Variants in LDLRAD4 observed in about 807,000 individuals in gnomAD.
LDLRAD4 encodes the protein low-density lipoprotein receptor class A domain-containing protein 4.
A neutral mutation model predicts 17.0 loss-of-function variants in LDLRAD4; 5 were observed. The observed-to-expected ratio is 0.29, with a 90% confidence interval of 0.15 to 0.62. LDLRAD4 has a LOEUF of 0.62. LDLRAD4 is among the 20% of genes least tolerant of loss of function. The pLI, the probability that LDLRAD4 is intolerant of heterozygous loss-of-function variation, is 0.84. For synonymous variants in LDLRAD4, 168 were observed against 171.8 expected (o/e 0.98, Z 0.17); for missense variants, 340 against 424.7 (o/e 0.80, Z 1.75).
intron 2 of LDLRAD4, among the ~76,000 whole-genome samples, chr18:13,413,435 A>C (rs1173706044): frequency 3.3e-5 from 5 of 152,240 alleles, no homozygotes; most frequent in Non-Finnish European, 7.3e-5. Flanking sequence ...TTAAACATGC[A>C]TCAATATCTT....
At chr18:13,594,116 G>A (rs149944630) in intron 3 of LDLRAD4, among the ~76,000 whole-genome samples, 11 of 152,282 alleles carry the variant, frequency 7.2e-5, no homozygotes, top group Admixed American at 2.0e-4. Context: ...AGAGCTCAGC[G>A]TGCTGGTGGG....
chr18:13,293,023 C>T (rs2046057225), intron 1 of LDLRAD4, among the ~76,000 whole-genome samples: 2 of 152,234 alleles, frequency 1.3e-5, no homozygotes, highest in Admixed American at 1.3e-4. Flanking sequence ...CACCACGTCC[C>T]AGGAATGCTG....
chr18:13,345,583 G>T (rs2082632765), intron 1 of LDLRAD4, among the ~76,000 whole-genome samples: 1 of 152,198 alleles, frequency 6.6e-6, no homozygotes, highest in South Asian at 2.1e-4. Flanking sequence ...GTATCAGGAT[G>T]ATGCTGGCCT....
intron 3 of LDLRAD4, among the ~76,000 whole-genome samples, chr18:13,563,199 C>T (rs1338041783): frequency 1.3e-5 from 2 of 152,234 alleles, no homozygotes; most frequent in African/African-American, 4.8e-5. Flanking sequence ...TTAGGGATAA[C>T]TAATTATGCC....
At chr18:13,495,966 C>T (rs1023371259) in intron 3 of LDLRAD4, among the ~76,000 whole-genome samples, 2 of 152,208 alleles carry the variant, frequency 1.3e-5, no homozygotes, top group Non-Finnish European at 2.9e-5. Context: ...CCCCAGCTCC[C>T]CAGGCCCCTT....
intron 1 of LDLRAD4, among the ~76,000 whole-genome samples, chr18:13,381,194 CA>C (rs1173212387): frequency 1.3e-5 from 2 of 151,742 alleles, no homozygotes; most frequent in African/African-American, 2.4e-5. Context: ...CCTCCTGCCT[CA>C]GCCTCCCCAG....
intron 1 of LDLRAD4, 115 bp from the exon 3 acceptor site, chr18:13,387,226 A>G (rs1011565298): frequency 1.3e-5 from 2 of 153,464 alleles, no homozygotes; most frequent in East Asian, 1.9e-4. Flanking sequence ...GGGAGCCCCC[A>G]TGCCCACAGT....
intron 3 of LDLRAD4, chr18:13,488,880 G>A (rs1318457263): frequency 2.0e-5 from 3 of 152,238 alleles, no homozygotes; most frequent in Admixed American, 1.3e-4. Flanking sequence ...AAACACTAGT[G>A]GGACCCTGAC....
At chr18:13,459,764 G>A (rs922628069) in intron 3 of LDLRAD4, among the ~76,000 whole-genome samples, 2 of 152,182 alleles carry the variant, frequency 1.3e-5, no homozygotes, top group Non-Finnish European at 2.9e-5. Flanking sequence ...TTTGTCTATA[G>A]AAAGATATTG....
At chr18:13,595,892 T>A (rs550443591) in intron 3 of LDLRAD4, among the ~76,000 whole-genome samples, 2 of 152,372 alleles carry the variant, frequency 1.3e-5, no homozygotes, top group Admixed American at 1.3e-4. Context: ...TTTATTTGGC[T>A]TCTACTGTGT....
chr18:13,238,473 G>A (rs1310112172), intron 1 of LDLRAD4, among the ~76,000 whole-genome samples: 1 of 152,202 alleles, frequency 6.6e-6, no homozygotes, highest in Admixed American at 6.5e-5. Flanking sequence ...GGCTGTCAGT[G>A]TTCACACAAA....
chr18:13,605,001 C>T (rs116339824), intron 3 of LDLRAD4, among the ~76,000 whole-genome samples: 2,935 of 152,188 alleles, frequency 0.019, 85 homozygotes, highest in African/African-American at 0.067. Flanking sequence ...ACAGGAAGGC[C>T]GAGGCGGGGA....
chr18:13,617,056 G>A (rs574285361), intron 3 of LDLRAD4, among the ~76,000 whole-genome samples: 2 of 152,160 alleles, frequency 1.3e-5, no homozygotes, highest in South Asian at 4.1e-4. Context: ...TGTGTGGCAG[G>A]TTTATAAGAA....
intron 3 of LDLRAD4, among the ~76,000 whole-genome samples, chr18:13,463,948 C>T (rs1383796646): frequency 6.6e-6 from 1 of 152,164 alleles, no homozygotes; most frequent in African/African-American, 2.4e-5. Context: ...AAAACAGAGG[C>T]TGTTTTAAAT....
chr18:13,236,355 G>A (rs937685318), intron 1 of LDLRAD4: 1 of 130,388 alleles, frequency 7.7e-6, no homozygotes, highest in Non-Finnish European at 1.5e-5. Context: ...TGTTGCCCAG[G>A]CTGGAGTGCA....
rs146500060 is a variant in LDLRAD4 at position 13,290,023 on chromosome 18, G to A, written c.-383+11835G>A. ...GGGGAGTTTTACTGTGTGGGCAGAC[G>A]TGGTGGGCTCAGTAACTGTGTGGGG... On this transcript the variant is annotated intron_variant, in intron 1 of 5. Transcript: ENST00000359446. Among the ~76,000 whole-genome samples, 616 of 152,326 alleles carry A rather than the reference G, an allele frequency of 4.0e-3. 7 individuals carry two copies. The highest frequency in any genetic ancestry group is 0.014 in the African/African-American group (588 of 41,582).
chr18:13,638,315 A>G (rs1367819715), intron 4 of LDLRAD4, among the ~76,000 whole-genome samples: 2 of 152,246 alleles, frequency 1.3e-5, no homozygotes, highest in Non-Finnish European at 2.9e-5. Context: ...AATGAAAAGC[A>G]TGGCCAGAAT....
At chr18:13,505,711 G>A (rs879642365) in intron 3 of LDLRAD4, among the ~76,000 whole-genome samples, 9 of 152,088 alleles carry the variant, frequency 5.9e-5, no homozygotes, top group East Asian at 1.9e-4. Flanking sequence ...GCAGCTACTC[G>A]GGAGGCTGAG....
intron 3 of LDLRAD4, chr18:13,585,593 C>G (rs939107683): frequency 2.0e-5 from 3 of 152,166 alleles, no homozygotes; most frequent in Non-Finnish European, 4.4e-5. Context: ...ATTATCTTTT[C>G]AAAGCACATT....
Sources: allele counts gnomAD v4.1 joint callset (sites outside exome capture counted in the v4.1 genomes callset), GRCh38; gene constraint gnomAD v4.1.1; transcripts MANE v1.5; gene names NCBI Gene and HGNC (gene_info 2026-07-23, HGNC 2026-07-21).